The following ADK variants were observed in gnomAD, a reference collection of about 807,000 sequenced individuals.
The protein encoded by ADK is adenosine kinase, also known as N6,N6-dimethyladenosine kinase.
In ADK, 24 loss-of-function variants were observed where a neutral mutation model predicts 44.7. The ratio of observed to expected loss-of-function variants is 0.54; its 90% CI spans 0.39 to 0.76. The LOEUF (loss-of-function observed/expected upper bound fraction) is 0.76. Among genes scored for constraint, ADK ranks in the 30% least tolerant of loss-of-function variants. The probability of loss-of-function intolerance (pLI) is 0.00; values close to 1 mark genes in which losing one functional copy is unlikely to be tolerated. For missense variants in ADK, 321 were observed against 425.1 expected (o/e 0.76, Z 2.15); for synonymous variants, 128 against 142.6 (o/e 0.90, Z 0.73).
At chr10:74,183,729 C>T (rs1211594176) in intron 1 of ADK, among the ~76,000 whole-genome samples, 1 of 151,550 alleles carries the variant, frequency 6.6e-6, no homozygotes, top group Non-Finnish European at 1.5e-5. Context: ...AGGCTGGTCT[C>T]GAACCCAGCC....
intron 3 of ADK, among the ~76,000 whole-genome samples, chr10:74,275,316 G>A (rs1017933878): frequency 6.6e-6 from 1 of 152,076 alleles, no homozygotes; most frequent in African/African-American, 2.4e-5. Flanking sequence ...GCTGGGGTGG[G>A]GGACACGACA....
chr10:74,389,801 G>C (rs973945995), intron 4 of ADK, among the ~76,000 whole-genome samples: 1 of 151,996 alleles, frequency 6.6e-6, no homozygotes, highest in African/African-American at 2.4e-5. Flanking sequence ...TTGCCTTGCA[G>C]GTTCAAATAA....
chr10:74,309,327 A>G (rs1408972945), intron 3 of ADK, among the ~76,000 whole-genome samples: 1 of 151,742 alleles, frequency 6.6e-6, no homozygotes, highest in African/African-American at 2.4e-5. Flanking sequence ...AATTCTACAT[A>G]TTTCTATTTT....
Position 74,670,206 on chromosome 10 carries a change from G to C in ADK, c.901G>C (p.Val301Leu), listed in dbSNP as rs774919748. Reference protein sequence around the residue: ...ATESEVTAFAVLDQDQKEIID... With the variant: ...ATESEVTAFALLDQDQKEIID... ...AGAAAGTGAAGTCACTGCTTTTGCT[G>C]TCTTGGATCAAGACCAGAAAGAAAT... Residue 301 changes from valine to leucine, a missense_variant, in exon 10 of 11, where the codon GTC (valine) becomes CTC (leucine). Physicochemically the swap from Val to Leu is conservative, Grantham distance 32. Coordinates refer to ENST00000539909, the MANE Select transcript of ADK (RefSeq NM_006721.4). 25 of 1,613,798 alleles carry C rather than the reference G, an allele frequency of 1.5e-5. No individual in the cohort carries two copies. Among genetic ancestry groups the C allele is most frequent in the Non-Finnish European group, 1.7e-6 (2 of 1,179,902 alleles).
At chr10:74,580,144 G>C (rs1013362570) in intron 7 of ADK, among the ~76,000 whole-genome samples, 1 of 152,196 alleles carries the variant, frequency 6.6e-6, no homozygotes, top group African/African-American at 2.4e-5. Flanking sequence ...TGGTTTGGCT[G>C]TGTCCCCATC....
chr10:74,303,918 G>A (rs1037223882), intron 3 of ADK, among the ~76,000 whole-genome samples: 14 of 151,058 alleles, frequency 9.3e-5, no homozygotes, highest in Non-Finnish European at 1.2e-4. Flanking sequence ...GCAGTGAGCT[G>A]AGATCGCACC....
intron 1 of ADK, among the ~76,000 whole-genome samples, chr10:74,165,270 G>T (rs899871603): frequency 6.6e-6 from 1 of 152,026 alleles, no homozygotes; most frequent in African/African-American, 2.4e-5. Context: ...GCTTGATGAG[G>T]TACTTAAAAT....
chr10:74,445,592 G>C (rs1845564473), intron 6 of ADK, among the ~76,000 whole-genome samples: 1 of 151,952 alleles, frequency 6.6e-6, no homozygotes, highest in Admixed American at 6.6e-5. Context: ...AATAACAAAT[G>C]TGTTAGTATA....
chr10:74,428,946 C>G (rs912206767), intron 6 of ADK, among the ~76,000 whole-genome samples: 3 of 152,154 alleles, frequency 2.0e-5, no homozygotes, highest in African/African-American at 7.2e-5. Context: ...CAGAATGCAT[C>G]TCAACTCAAT....
At chr10:74,422,471 T>C (rs974532939) in intron 6 of ADK, among the ~76,000 whole-genome samples, 5 of 152,214 alleles carry the variant, frequency 3.3e-5, no homozygotes, top group African/African-American at 1.2e-4. Flanking sequence ...GTCTTGACTT[T>C]AGTCAATAAT....
At chr10:74,232,751 A>G (rs1352846877) in intron 3 of ADK, among the ~76,000 whole-genome samples, 1 of 151,906 alleles carries the variant, frequency 6.6e-6, no homozygotes, top group Non-Finnish European at 1.5e-5. Flanking sequence ...TCAGCTTCCC[A>G]AGTAGCTGGG....
intron 1 of ADK, among the ~76,000 whole-genome samples, chr10:74,182,703 C>G (rs548270848): frequency 6.6e-6 from 1 of 152,260 alleles, no homozygotes; most frequent in Admixed American, 6.5e-5. Context: ...GTTAATGCTC[C>G]TATTTATGAA....
chr10:74,482,975 C>A (rs1169345837), intron 6 of ADK, among the ~76,000 whole-genome samples: 1 of 152,148 alleles, frequency 6.6e-6, no homozygotes. Flanking sequence ...GGTGGACCTA[C>A]CATTTTGAGG....
intron 10 of ADK, among the ~76,000 whole-genome samples, chr10:74,697,186 G>A (rs1316953768): frequency 6.6e-6 from 1 of 152,140 alleles, no homozygotes; most frequent in Non-Finnish European, 1.5e-5. Flanking sequence ...ACATGTATTT[G>A]TACTGTATCT....
chr10:74,294,986 G>C (rs1839761580), intron 3 of ADK, among the ~76,000 whole-genome samples: 2 of 151,976 alleles, frequency 1.3e-5, no homozygotes, highest in Non-Finnish European at 2.9e-5. Context: ...CTCCTCAGCA[G>C]CTAGGACTAC....
chr10:74,389,978 T>C (rs186199974), intron 4 of ADK, among the ~76,000 whole-genome samples: 448 of 152,234 alleles, frequency 2.9e-3, no homozygotes, highest in Non-Finnish European at 4.6e-3. Flanking sequence ...TAATAATGAC[T>C]TTATTTTCAC....
At chr10:74,219,675 G>A (rs1187750571) in intron 2 of ADK, among the ~76,000 whole-genome samples, 1 of 151,636 alleles carries the variant, frequency 6.6e-6, no homozygotes, top group Non-Finnish European at 1.5e-5. Context: ...CTGTCTCTCA[G>A]ACCACAGTGC....
At chr10:74,196,862 G>GTA (rs1279882492) in intron 1 of ADK, among the ~76,000 whole-genome samples, 7 of 152,142 alleles carry the variant, frequency 4.6e-5, no homozygotes, top group African/African-American at 1.7e-4. Context: ...TTCAGATGGA[G>GTA]TATAGGTTTC....
intron 7 of ADK, among the ~76,000 whole-genome samples, chr10:74,557,849 A>G (rs940857531): frequency 6.6e-6 from 1 of 152,212 alleles, no homozygotes; most frequent in African/African-American, 2.4e-5. Context: ...CAGGTCATCA[A>G]TGGATTAGGA....
Sources: gnomAD v4.1 joint callset for allele counts (sites outside exome capture counted in the v4.1 genomes callset) on GRCh38, gnomAD v4.1.1 for gene constraint, MANE v1.5 for transcripts, NCBI Gene and HGNC (gene_info 2026-07-23, HGNC 2026-07-21) for gene names.